PRDM16: variants seen among roughly 807,000 people sequenced by gnomAD.
PRDM16 encodes the protein PR/SET domain 16, also known as histone-lysine N-methyltransferase PRDM16.
In PRDM16, 23 loss-of-function variants were observed where a neutral mutation model predicts 110.6. The observed-to-expected ratio is 0.21, with a 90% CI of 0.15 to 0.29. The LOEUF (loss-of-function observed/expected upper bound fraction) is 0.29. Ranked by LOEUF, PRDM16 falls within the 10% of genes least tolerant of loss-of-function variation. The pLI, the probability that PRDM16 is intolerant of heterozygous loss-of-function variation, is 1.00. For missense variants in PRDM16, 1,615 were observed against 1,794.3 expected, an observed-to-expected ratio of 0.90 and a Z score of 1.81; for synonymous variants, 799 against 781.8, an observed-to-expected ratio of 1.02 and a Z score of -0.37.
At chr1:3,347,566 G>C (rs1227864444) in intron 3 of PRDM16, among the ~76,000 whole-genome samples, 1 of 152,236 alleles carries the variant, frequency 6.6e-6, no homozygotes, top group Non-Finnish European at 1.5e-5. Flanking sequence ...GGGTGGGGGT[G>C]GGGGCAGAGC....
rs1642018901 is a variant in PRDM16, at chr1:3,081,214, C to G, written c.37+11918C>G. Among the ~76,000 whole-genome samples, 1 of 152,234 alleles carries G rather than the reference C, an allele frequency of 6.6e-6. No individual in the cohort carries two copies. The highest frequency in any genetic ancestry group is 1.5e-5 in the Non-Finnish European group (1 of 68,052). On this transcript the variant is annotated intron_variant, in intron 1 of 16. Coordinates refer to ENST00000270722, the MANE Select transcript of PRDM16 (RefSeq NM_022114.4). The surrounding 1 kb of genome is among the most constrained non-coding windows in gnomAD (Gnocchi z 4.6). ...GCTGTTTGTTATTGAATCTCATCTG[C>G]TAATTACGGCGGCGGGACTTGGGTT...
chr1:3,326,848 G>T (rs964534421), intron 3 of PRDM16, among the ~76,000 whole-genome samples: 3 of 152,200 alleles, frequency 2.0e-5, no homozygotes, highest in Non-Finnish European at 4.4e-5. Flanking sequence ...AGAGAAGGTG[G>T]GCTCCTGCCC....
intron 3 of PRDM16, among the ~76,000 whole-genome samples, chr1:3,345,227 C>T (rs1356408125): frequency 6.6e-6 from 1 of 152,212 alleles, no homozygotes; most frequent in African/African-American, 2.4e-5. Flanking sequence ...TCAGTTCCTC[C>T]AGTTCCCACC....
At chr1:3,367,305 T>C (rs1436389651) in intron 3 of PRDM16, among the ~76,000 whole-genome samples, 4 of 152,112 alleles carry the variant, frequency 2.6e-5, no homozygotes, top group African/African-American at 4.8e-5. Context: ...AGCAAGCATC[T>C]TTAGTGTTTG....
chr1:3,070,581 C>G (rs976047970), intron 1 of PRDM16, among the ~76,000 whole-genome samples: 1 of 149,880 alleles, frequency 6.7e-6, no homozygotes, highest in African/African-American at 2.4e-5. Context: ...CCGCTCCCCT[C>G]GAGGTCCCCG....
At chr1:3,295,789 G>T (rs1319949429) in intron 3 of PRDM16, among the ~76,000 whole-genome samples, 1 of 152,144 alleles carries the variant, frequency 6.6e-6, no homozygotes, top group Non-Finnish European at 1.5e-5. Flanking sequence ...GACACCACGC[G>T]TGCAGCCTGA....
At chr1:3,161,459 T>C (rs1017818118) in intron 1 of PRDM16, among the ~76,000 whole-genome samples, 1 of 152,186 alleles carries the variant, frequency 6.6e-6, no homozygotes, top group African/African-American at 2.4e-5. Context: ...CGTGAGGAGA[T>C]GCTGGGGGTA....
rs2100576521 is a variant in PRDM16, at chr1:3,080,690, G to A, written c.37+11394G>A. On this transcript the variant is annotated intron_variant, in intron 1 of 16. Coordinates refer to ENST00000270722, the MANE Select transcript of PRDM16 (RefSeq NM_022114.4). This position sits in a 1 kb window ranked among gnomAD's most constrained non-coding sequence, Gnocchi z 5.2. ...CTGAGAAAAAGCAAACTTGAGCAAA[G>A]CCAGCTTGCTCTCCCCCTCGGACCG... 6.6e-6 allele frequency among the ~76,000 whole-genome samples: 1 copy of A among 152,322 alleles called. No individual in the cohort carries two copies.
intron 3 of PRDM16, among the ~76,000 whole-genome samples, chr1:3,321,546 TTGTG>T (rs901737958): frequency 4.1e-5 from 6 of 147,378 alleles, no homozygotes; most frequent in African/African-American, 7.8e-5. Context: ...GTATGTACGT[TTGTG>T]TGTGAGTGCA....
At chr1:3,307,122 A>G (rs1570035293) in intron 3 of PRDM16, 1 of 152,184 alleles carries the variant, frequency 6.6e-6, no homozygotes, top group East Asian at 1.9e-4. Context: ...GATGTTATGA[A>G]TCATGCTGCT....
intron 1 of PRDM16, among the ~76,000 whole-genome samples, chr1:3,141,055 G>T (rs978321533): frequency 3.9e-5 from 6 of 152,148 alleles, no homozygotes; most frequent in African/African-American, 7.2e-5. Context: ...AGGCAAGGTG[G>T]ATCCTTGCTC....
intron 3 of PRDM16, among the ~76,000 whole-genome samples, chr1:3,321,801 C>T (rs574953913): frequency 1.6e-4 from 22 of 133,552 alleles, no homozygotes; most frequent in Admixed American, 6.0e-4. Flanking sequence ...AGTGTGCGTG[C>T]GTGTGTGTAG....
Position 3,358,080 on chromosome 1 carries a change from T to C in PRDM16, c.439-27072T>C, listed in dbSNP as rs548442871. Among the ~76,000 whole-genome samples, 1 of 152,326 alleles carries C rather than the reference T, an allele frequency of 6.6e-6. No homozygotes were observed. Among genetic ancestry groups the C allele is most frequent in the African/African-American group, 2.4e-5 (1 of 41,570 alleles). On this transcript the variant is annotated intron_variant, in intron 3 of 16. Transcript: ENST00000270722. This position sits in a 1 kb window ranked among gnomAD's most constrained non-coding sequence, Gnocchi z 4.0. ...TGCCCTGGCTAACGGCGGTGCCCAG[T>C]GGCCTGGCCTCACGCGTGGGTCCAT...
At chr1:3,074,563 G>A (rs1298255552) in intron 1 of PRDM16, among the ~76,000 whole-genome samples, 1 of 152,172 alleles carries the variant, frequency 6.6e-6, no homozygotes, top group African/African-American at 2.4e-5. Context: ...CCTGCAGGCT[G>A]GACTCCCGCT....
At chr1:3,227,919 A>G (rs1553289) in intron 2 of PRDM16, among the ~76,000 whole-genome samples, 8,672 of 152,242 alleles carry the variant, frequency 0.057, 375 homozygotes, top group South Asian at 0.22. Context: ...CACCACTATG[A>G]CCTACACCCG....
intron 1 of PRDM16, among the ~76,000 whole-genome samples, chr1:3,180,647 G>T (rs180867466): frequency 1.4e-5 from 2 of 142,510 alleles, no homozygotes; most frequent in Non-Finnish European, 3.0e-5. Flanking sequence ...AGCGCCATTC[G>T]CTGCCTTGCC....
chr1:3,100,639 G>A lies in PRDM16; in HGVS notation c.37+31343G>A, dbSNP rs568747431. On this transcript the variant is annotated intron_variant, in intron 1 of 16. Coordinates refer to ENST00000270722, the MANE Select transcript of PRDM16 (RefSeq NM_022114.4). ...TTCCCGAGGGGCATTTGACGCTGCC[G>A]CCTGGAGCCCCCCATGTAACCCGTT... is the stretch of plus-strand genomic sequence containing the variant. Among the ~76,000 whole-genome samples the A allele has an allele frequency of 1.3e-4, 20 of 152,300 alleles. No individual in the cohort carries two copies. In the South Asian group the frequency reaches 3.3e-3, roughly 25 times the overall value.
intron 3 of PRDM16, among the ~76,000 whole-genome samples, chr1:3,361,136 C>T (rs1210627888): frequency 1.3e-5 from 2 of 152,222 alleles, no homozygotes; most frequent in African/African-American, 2.4e-5. Context: ...CACATTTCGG[C>T]TCTGGGGCGT....
rs199587048 is a variant in PRDM16 at position 3,119,373 on chromosome 1, C to T, written c.37+50077C>T. On this transcript the variant is annotated intron_variant, in intron 1 of 16. Transcript: ENST00000270722. ...TTAATTACCTTTCTCCAGACACTGGCGTGGAAAGTCATTTCCTTGAGAGGA... is the reference window on the plus strand; with the variant it reads ...TTAATTACCTTTCTCCAGACACTGGTGTGGAAAGTCATTTCCTTGAGAGGA... Among the ~76,000 whole-genome samples the T allele has an allele frequency of 7.2e-5, 11 of 152,250 alleles. No individual in the cohort carries two copies. In the East Asian group the frequency reaches 1.9e-3, roughly 27 times the overall value.
Sources: gnomAD v4.1 joint callset for allele counts (sites outside exome capture counted in the v4.1 genomes callset) on GRCh38, gnomAD v4.1.1 for gene constraint, Gnocchi (gnomAD v3.1) non-coding constraint, MANE v1.5 for transcripts, NCBI Gene and HGNC (gene_info 2026-07-23, HGNC 2026-07-21) for gene names.